TYW1B: variants seen among roughly 807,000 people sequenced by gnomAD.
TYW1B encodes tRNA-yW synthesizing protein 1 homolog B.
TYW1B carries 73 observed loss-of-function variants against 86.9 expected under a neutral mutation model. That is an observed-to-expected ratio of 0.84 (90% confidence interval 0.70 to 1.02). The LOEUF is 1.02. Ranked by LOEUF, TYW1B falls within the 50% of genes least tolerant of loss-of-function variation. The pLI, the probability that TYW1B is intolerant of heterozygous loss-of-function variation, is 0.00. For missense variants in TYW1B, 637 were observed against 827.4 expected, an observed-to-expected ratio of 0.77 and a Z score of 2.82; for synonymous variants, 248 against 292.8, an observed-to-expected ratio of 0.85 and a Z score of 1.56.
At chr7:72,618,281 A>G (rs553457415) in intron 12 of TYW1B, among the ~76,000 whole-genome samples, 2 of 126,800 alleles carry the variant, frequency 1.6e-5, no homozygotes, top group South Asian at 5.1e-4. Context: ...CAGTGGCCTG[A>G]TCTCGGCTCA....
chr7:72,618,413 C>T (rs1490389222), intron 12 of TYW1B, among the ~76,000 whole-genome samples: 4 of 151,910 alleles, frequency 2.6e-5, no homozygotes, highest in East Asian at 1.9e-4. Context: ...GATGGAGTTT[C>T]GCCATGTTGG....
rs1811000303 is a variant in TYW1B, at chr7:72,575,521, A to T, written c.1984T>A (p.Ser662Thr). 2 of 1,613,576 alleles carry T rather than the reference A, an allele frequency of 1.2e-6. No individual in the cohort carries two copies. ...KDTRHQRKNKSKAISGC is the reference protein window; with the variant it reads ...KDTRHQRKNKTKAISGC Reference sequence around the variant, plus strand: ...TCTCAACATCCAGAAATAGCCTTTGATTTGTTCTTTCTCTGATGTCTTGTG... The same window carrying T: ...TCTCAACATCCAGAAATAGCCTTTGTTTTGTTCTTTCTCTGATGTCTTGTG... The change falls in exon 14 of 14, where the codon TCA (serine) becomes ACA (threonine). Residue 662 changes from serine (S) to threonine (T), a missense_variant. Physicochemically the swap from Ser to Thr is moderately conservative, Grantham distance 58 (BLOSUM62 1). Transcript: ENST00000620995.
intron 7 of TYW1B, among the ~76,000 whole-genome samples, chr7:72,771,407 T>C (rs1167285727): frequency 2.6e-5 from 4 of 152,140 alleles, no homozygotes; most frequent in African/African-American, 9.7e-5. Flanking sequence ...TTAATTGGAG[T>C]TGGTGAATAT....
At chr7:72,654,945 C>A (rs1554443402) in intron 11 of TYW1B, among the ~76,000 whole-genome samples, 1 of 152,086 alleles carries the variant, frequency 6.6e-6, no homozygotes. Context: ...TAATGTAAGA[C>A]GTTAACAATA....
chr7:72,743,813 C>T (rs1241731453), intron 8 of TYW1B, among the ~76,000 whole-genome samples: 1 of 147,414 alleles, frequency 6.8e-6, no homozygotes, highest in Non-Finnish European at 1.5e-5. Context: ...CACTGCCCTC[C>T]ACCCTGGGCA....
At chr7:72,639,647 T>C (rs2129568998) in intron 11 of TYW1B, among the ~76,000 whole-genome samples, 1 of 152,188 alleles carries the variant, frequency 6.6e-6, no homozygotes, top group African/African-American at 2.4e-5. Flanking sequence ...GCAGATCCCC[T>C]GAGGTCAGGA....
rs1239640717 is a variant in TYW1B, at chr7:72,632,285, G to GTATATATATATATATATATAT, written c.1507-3289_1507-3288insATATATATATATATATATATA. On this transcript the variant is annotated intron_variant, in intron 11 of 13. Coordinates refer to ENST00000620995, the MANE Select transcript of TYW1B (RefSeq NM_001145440.3). ...AAAAAATATATATATATATATACGT[G>GTATATATATATATATATATAT]TATATATATATATACGTGTATATAT... Among the ~76,000 whole-genome samples, 582 of 83,498 alleles carry GTATATATATATATATATATAT rather than the reference G, an allele frequency of 7.0e-3. 23 individuals are homozygous for GTATATATATATATATATATAT. Among genetic ancestry groups the GTATATATATATATATATATAT allele is most frequent in the South Asian group, 0.068 (214 of 3,126 alleles). The allele number at this position is 83,498 out of a possible 152,430, so 54.8% of individuals were successfully genotyped here.
intron 11 of TYW1B, among the ~76,000 whole-genome samples, chr7:72,655,966 C>G (rs1273530755): frequency 2.6e-5 from 4 of 152,212 alleles, no homozygotes; most frequent in Non-Finnish European, 4.4e-5. Flanking sequence ...AACCCACAGG[C>G]CCAGCCCATG....
intron 8 of TYW1B, among the ~76,000 whole-genome samples, chr7:72,736,587 C>G (rs1787200918): frequency 6.6e-6 from 1 of 152,154 alleles, no homozygotes; most frequent in African/African-American, 2.4e-5. Flanking sequence ...TTTTGTCATT[C>G]CCAAAAAGAA....
intron 13 of TYW1B, among the ~76,000 whole-genome samples, chr7:72,604,445 G>C (rs1374533675): frequency 6.6e-6 from 1 of 152,232 alleles, no homozygotes; most frequent in East Asian, 1.9e-4. Context: ...CTGGGCGACA[G>C]AGTGAGACTC....
intron 6 of TYW1B, among the ~76,000 whole-genome samples, chr7:72,784,638 C>T (rs1285819833): frequency 6.6e-6 from 1 of 152,144 alleles, no homozygotes; most frequent in African/African-American, 2.4e-5. Flanking sequence ...GCTGGGATTA[C>T]AGGCATGTGC....
At chr7:72,707,254 G>A (rs530099589) in intron 10 of TYW1B, among the ~76,000 whole-genome samples, 4 of 152,356 alleles carry the variant, frequency 2.6e-5, no homozygotes, top group African/African-American at 9.6e-5. Context: ...TGCCCCCATC[G>A]CTGCTCTTTG....
intron 11 of TYW1B, among the ~76,000 whole-genome samples, chr7:72,632,321 TTATA>T (rs71069094): frequency 1.3e-5 from 1 of 74,314 alleles, no homozygotes; most frequent in Admixed American, 1.7e-4. Flanking sequence ...ATTATATATA[TTATA>T]TATATATACA....
intron 11 of TYW1B, among the ~76,000 whole-genome samples, chr7:72,679,412 A>C (rs189099432): frequency 9.6e-4 from 146 of 152,338 alleles, no homozygotes; most frequent in Non-Finnish European, 1.6e-3. Context: ...TACATCAGGG[A>C]ATATTTACAG....
chr7:72,668,945 C>A (rs566298734), intron 11 of TYW1B, among the ~76,000 whole-genome samples: 2 of 152,172 alleles, frequency 1.3e-5, no homozygotes, highest in East Asian at 3.9e-4. Context: ...ACAAACAATT[C>A]CTCTAAGGCA....
intron 2 of TYW1B, among the ~76,000 whole-genome samples, chr7:72,819,756 A>C (rs1376936347): frequency 3.3e-5 from 5 of 152,088 alleles, no homozygotes; most frequent in Non-Finnish European, 7.4e-5. Flanking sequence ...AAAAAGGTTT[A>C]TTTAATGCAG....
chr7:72,604,247 G>T (rs1454671505), intron 13 of TYW1B, among the ~76,000 whole-genome samples: 4 of 152,140 alleles, frequency 2.6e-5, no homozygotes, highest in Non-Finnish European at 4.4e-5. Flanking sequence ...TGGATCACTT[G>T]AGGTCAGGAG....
At chr7:72,675,915 C>T (rs1175942122) in intron 11 of TYW1B, among the ~76,000 whole-genome samples, 6 of 151,990 alleles carry the variant, frequency 3.9e-5, no homozygotes, top group Admixed American at 6.6e-5. Flanking sequence ...TAGTTTCATA[C>T]GCTAACCCAT....
intron 7 of TYW1B, among the ~76,000 whole-genome samples, chr7:72,751,750 C>A (rs1184462597): frequency 1.3e-5 from 2 of 152,166 alleles, no homozygotes; most frequent in East Asian, 1.9e-4. Context: ...AAATTCTAGA[C>A]CCTGGTTCAT....
Sources: gnomAD v4.1 joint callset for allele counts (sites outside exome capture counted in the v4.1 genomes callset) on GRCh38, gnomAD v4.1.1 for gene constraint, MANE v1.5 for transcripts, NCBI Gene and HGNC (gene_info 2026-07-23, HGNC 2026-07-21) for gene names.